Variants in PTPRN2 observed in about 807,000 individuals in gnomAD.
The protein encoded by PTPRN2 is protein tyrosine phosphatase receptor type N2.
PTPRN2 carries 74 observed loss-of-function variants against 118.8 expected under a neutral mutation model. The observed-to-expected ratio is 0.62, with a 90% CI of 0.52 to 0.76. PTPRN2 has a LOEUF of 0.76. Ranked by LOEUF, PTPRN2 falls within the 30% of genes least tolerant of loss-of-function variation. The probability of loss-of-function intolerance (pLI) is 0.00; values close to 1 mark genes in which losing one functional copy is unlikely to be tolerated. For synonymous variants in PTPRN2, 641 were observed against 608.0 expected, an observed-to-expected ratio of 1.05 and a Z score of -0.80; for missense variants, 1,481 against 1,394.4, an observed-to-expected ratio of 1.06 and a Z score of -0.99.
intron 13 of PTPRN2, chr7:157,669,533 C>T: frequency 2.0e-6 from 1 of 491,224 alleles, no homozygotes; most frequent in Non-Finnish European, 4.0e-6. Context: ...GACACCCAGT[C>T]AGGGGCTGTA....
intron 3 of PTPRN2, among the ~76,000 whole-genome samples, chr7:158,312,627 G>C (rs1388038579): frequency 6.7e-6 from 1 of 149,022 alleles, no homozygotes; most frequent in African/African-American, 2.5e-5. Flanking sequence ...AAGACACCAG[G>C]ATTTGAGATT....
Position 157,946,234 on chromosome 7 carries a change from T to A in PTPRN2, c.1724-47497A>T, listed in dbSNP as rs1355830306. Among the ~76,000 whole-genome samples the A allele has an allele frequency of 2.0e-5, 3 of 152,040 alleles. No homozygotes were observed. The East Asian group carries it at 5.8e-4, about 29-fold the overall frequency. On this transcript the variant is annotated intron_variant, in intron 11 of 22. Coordinates refer to ENST00000389418, the MANE Select transcript of PTPRN2 (RefSeq NM_002847.5). ...AGCAACTGTCTGAAGCCTCTTCAGCTGGCCCATGCCTCATGGGAGTTTTGT... is the reference window on the plus strand; with the variant it reads ...AGCAACTGTCTGAAGCCTCTTCAGCAGGCCCATGCCTCATGGGAGTTTTGT...
chr7:158,123,440 G>A (rs1008394109), intron 9 of PTPRN2, among the ~76,000 whole-genome samples: 3 of 152,122 alleles, frequency 2.0e-5, no homozygotes, highest in Non-Finnish European at 2.9e-5. Context: ...CTCCACCCTG[G>A]ATCCCCTGCA....
intron 2 of PTPRN2, among the ~76,000 whole-genome samples, chr7:158,388,414 T>C (rs1341036237): frequency 6.6e-6 from 1 of 152,004 alleles, no homozygotes; most frequent in Non-Finnish European, 1.5e-5. Context: ...CCTCCTCGGG[T>C]GCAATTTTTC....
rs913863824 is a variant in PTPRN2, at chr7:157,953,525, C to T, written c.1724-54788G>A. 1.3e-5 allele frequency among the ~76,000 whole-genome samples: 2 copies of T among 152,166 alleles called. No homozygotes were observed. The highest frequency in any genetic ancestry group is 2.1e-4 in the South Asian group (1 of 4,822). On this transcript the variant is annotated intron_variant, in intron 11 of 22. Transcript: ENST00000389418. This position sits in a 1 kb window ranked among gnomAD's most constrained non-coding sequence, Gnocchi z 4.6. Reference sequence around the variant, plus strand: ...CTGCTGGCACGGGTGCCTTTGCTGCCGGCTGCTGTCTGTGCTGCCCTGCAA... The same window carrying T: ...CTGCTGGCACGGGTGCCTTTGCTGCTGGCTGCTGTCTGTGCTGCCCTGCAA...
At chr7:158,171,735 T>A (rs1291922141) in intron 5 of PTPRN2, among the ~76,000 whole-genome samples, 1 of 152,196 alleles carries the variant, frequency 6.6e-6, no homozygotes, top group African/African-American at 2.4e-5. Context: ...TCTTCTACTC[T>A]CAGCTCTGAG....
chr7:158,260,217 G>A (rs1797307894), intron 3 of PTPRN2, among the ~76,000 whole-genome samples: 1 of 152,190 alleles, frequency 6.6e-6, no homozygotes, highest in African/African-American at 2.4e-5. Context: ...ACACGACAAA[G>A]CAAAGCCAAT....
chr7:157,892,561 G>A (rs1330179167), intron 12 of PTPRN2, among the ~76,000 whole-genome samples: 4 of 152,158 alleles, frequency 2.6e-5, no homozygotes, highest in Non-Finnish European at 2.9e-5. Context: ...CGCAAGCGCA[G>A]GGGAGAGATT....
rs538186539 is a variant in PTPRN2 at position 157,567,400 on chromosome 7, G to A, written c.2902+1502C>T. 2.1e-3 allele frequency among the ~76,000 whole-genome samples: 313 copies of A among 152,340 alleles called. 1 individual carries two copies. Among genetic ancestry groups the A allele is most frequent in the African/African-American group, 7.1e-3 (297 of 41,582 alleles). ...CCAGCAGCCAGCAAAGGATGCTGGC[G>A]GTGTTGGGTAGGTGTGGGGTGTGGG... On this transcript the variant is annotated intron_variant, in intron 21 of 22. Transcript: ENST00000389418.
At chr7:158,136,160 C>T (rs1490321928) in intron 8 of PTPRN2, among the ~76,000 whole-genome samples, 2 of 152,226 alleles carry the variant, frequency 1.3e-5, no homozygotes, top group Non-Finnish European at 2.9e-5. Flanking sequence ...TAACGTGCCG[C>T]CGACCTGAAC....
chr7:158,016,709 G>T (rs1408083466), intron 11 of PTPRN2, among the ~76,000 whole-genome samples: 1 of 152,240 alleles, frequency 6.6e-6, no homozygotes, highest in African/African-American at 2.4e-5. Context: ...CTGAAGCTGA[G>T]CCAATTAACG....
At chr7:157,547,677 A>T (rs1290810454) in intron 22 of PTPRN2, among the ~76,000 whole-genome samples, 5 of 152,108 alleles carry the variant, frequency 3.3e-5, no homozygotes, top group African/African-American at 1.2e-4. Flanking sequence ...CCACACAGGG[A>T]AAAATCATCA....
intron 1 of PTPRN2, among the ~76,000 whole-genome samples, chr7:158,547,539 T>C (rs1040688064): frequency 6.6e-5 from 10 of 152,242 alleles, no homozygotes; most frequent in African/African-American, 2.4e-4. Context: ...GCACCCATGC[T>C]GTCGCAGAGG....
chr7:158,452,874 G>A (rs1252497755), intron 2 of PTPRN2, among the ~76,000 whole-genome samples: 1 of 152,228 alleles, frequency 6.6e-6, no homozygotes, highest in East Asian at 1.9e-4. Flanking sequence ...AGAGTAACAC[G>A]GGGTCTTACT....
chr7:157,905,137 C>T (rs759416693), intron 11 of PTPRN2, among the ~76,000 whole-genome samples: 14 of 152,212 alleles, frequency 9.2e-5, no homozygotes, highest in Non-Finnish European at 1.8e-4. Context: ...TTGCCCACAC[C>T]TGTGTAACTG....
At chr7:157,637,144 T>C (rs1267830276) in intron 14 of PTPRN2, among the ~76,000 whole-genome samples, 1 of 152,216 alleles carries the variant, frequency 6.6e-6, no homozygotes, top group Non-Finnish European at 1.5e-5. Flanking sequence ...TTCGAACATA[T>C]CCCTTTGACA....
chr7:158,229,553 AT>A (rs780850550), intron 3 of PTPRN2, among the ~76,000 whole-genome samples: 2 of 152,090 alleles, frequency 1.3e-5, no homozygotes, highest in Non-Finnish European at 2.9e-5. Flanking sequence ...ATTTTTAAAA[AT>A]TCAAACAGAA....
chr7:158,087,670 A>G lies in PTPRN2; in HGVS notation c.1644-6293T>C, dbSNP rs1419429822. Among the ~76,000 whole-genome samples, 3 of 144,354 alleles carry G rather than the reference A, an allele frequency of 2.1e-5. No individual in the cohort carries two copies. The South Asian group carries it at 6.5e-4, about 31-fold the overall frequency. 94.7% of individuals were successfully genotyped at this position (144,354 alleles called of 152,430 possible). On this transcript the variant is annotated intron_variant, in intron 10 of 22. Transcript: ENST00000389418. ...ACAAACCTTCCTCCCCTGATGAAGGAGGGAGTCTTCACACAAACCTTCTTC... is the reference window on the plus strand; with the variant it reads ...ACAAACCTTCCTCCCCTGATGAAGGGGGGAGTCTTCACACAAACCTTCTTC...
intron 22 of PTPRN2, among the ~76,000 whole-genome samples, chr7:157,542,404 T>C (rs555502206): frequency 6.7e-6 from 1 of 148,754 alleles, no homozygotes; most frequent in East Asian, 1.9e-4. Context: ...TCCGACACAC[T>C]GGAAATCTAG....
Sources: gnomAD v4.1 joint callset for allele counts (sites outside exome capture counted in the v4.1 genomes callset) on GRCh38, gnomAD v4.1.1 for gene constraint, Gnocchi (gnomAD v3.1) non-coding constraint, MANE v1.5 for transcripts, NCBI Gene and HGNC (gene_info 2026-07-23, HGNC 2026-07-21) for gene names.